Variants in CEP70 observed in about 807,000 individuals in gnomAD.
The protein encoded by CEP70 is centrosomal protein of 70 kDa.
CEP70 carries 70 observed loss-of-function variants against 90.9 expected under a neutral mutation model. The observed-to-expected ratio is 0.77, with a 90% CI of 0.64 to 0.94. CEP70 has a LOEUF of 0.94. Ranked by LOEUF, CEP70 falls within the 40% of genes least tolerant of loss-of-function variation. CEP70 has a pLI of 0.00. For synonymous variants in CEP70, 220 were observed against 228.3 expected (o/e 0.96, Z 0.33); for missense variants, 648 against 669.0 (o/e 0.97, Z 0.35).
intron 11 of CEP70, among the ~76,000 whole-genome samples, chr3:138,517,748 T>C (rs1343816938): frequency 2.0e-5 from 3 of 152,240 alleles, no homozygotes; most frequent in Non-Finnish European, 4.4e-5. Context: ...TACAACTCCC[T>C]GCATGAGCAA....
chr3:138,520,822 G>A (rs924486099), intron 11 of CEP70, among the ~76,000 whole-genome samples: 22 of 151,842 alleles, frequency 1.4e-4, no homozygotes, highest in East Asian at 1.9e-4. Context: ...CCTCTCCCTC[G>A]TCTCCGTCTC....
intron 10 of CEP70, among the ~76,000 whole-genome samples, chr3:138,526,411 T>A (rs757508625): frequency 1.3e-5 from 2 of 152,156 alleles, no homozygotes; most frequent in Non-Finnish European, 2.9e-5. Flanking sequence ...GAGGCCTGCT[T>A]CGGCCTCCTA....
chr3:138,583,199 C>T (rs1390966387), intron 2 of CEP70, among the ~76,000 whole-genome samples: 2 of 152,136 alleles, frequency 1.3e-5, no homozygotes, highest in African/African-American at 4.8e-5. Context: ...AAGACAAAAA[C>T]TGTAAGAAGA....
intron 6 of CEP70, among the ~76,000 whole-genome samples, chr3:138,540,946 CATGG>C (rs1401518219): frequency 2.0e-5 from 3 of 152,142 alleles, no homozygotes; most frequent in Non-Finnish European, 2.9e-5. Flanking sequence ...TTTGCGAGAA[CATGG>C]ATGGAGCTGA....
intron 6 of CEP70, among the ~76,000 whole-genome samples, chr3:138,550,805 C>T (rs1461684605): frequency 6.6e-6 from 1 of 152,142 alleles, no homozygotes; most frequent in African/African-American, 2.4e-5. Flanking sequence ...TACGAATTAA[C>T]CCAATCCAAC....
At chr3:138,544,156 G>A (rs1419937415) in intron 6 of CEP70, among the ~76,000 whole-genome samples, 1 of 151,702 alleles carries the variant, frequency 6.6e-6, no homozygotes, top group Non-Finnish European at 1.5e-5. Context: ...AAAATAACTT[G>A]TTATATCTAT....
chr3:138,585,126 A>C (rs1431788329), intron 2 of CEP70, among the ~76,000 whole-genome samples: 1 of 152,170 alleles, frequency 6.6e-6, no homozygotes, highest in East Asian at 1.9e-4. Flanking sequence ...AGGTGACATG[A>C]TCTTATATTT....
chr3:138,497,983 C>G, intron 17 of CEP70, 48 bp downstream of exon 17: 1 of 1,607,852 alleles, frequency 6.2e-7, no homozygotes, highest in Non-Finnish European at 8.5e-7. Flanking sequence ...CTTAAATGCA[C>G]TGACATTTTA....
chr3:138,529,800 A>T (rs985068568), intron 8 of CEP70, among the ~76,000 whole-genome samples: 9 of 152,210 alleles, frequency 5.9e-5, no homozygotes, highest in African/African-American at 2.2e-4. Flanking sequence ...TAGGTGGAAC[A>T]TCCATGTTCT....
At chr3:138,550,295 T>C (rs1343511021) in intron 6 of CEP70, among the ~76,000 whole-genome samples, 2 of 152,152 alleles carry the variant, frequency 1.3e-5, no homozygotes, top group South Asian at 2.1e-4. Flanking sequence ...AGTCCAACTT[T>C]TAAAAAATTC....
At chr3:138,505,690 G>A (rs960692612) in intron 12 of CEP70, among the ~76,000 whole-genome samples, 4 of 152,202 alleles carry the variant, frequency 2.6e-5, no homozygotes, top group Admixed American at 1.3e-4. Context: ...GGTATTTGCA[G>A]TCCAAATGCA....
In CEP70 at chr3:138,571,035, TA is replaced by T; in HGVS notation, c.282del (p.Arg95GlufsTer6). Reference sequence around the variant, plus strand: ...AAGAAATCTTTTCCATTTTCTCACCTAAGCTGTTGATTAGTTTCTATAAGCT... The same window carrying T: ...AAGAAATCTTTTCCATTTTCTCACCTAGCTGTTGATTAGTTTCTATAAGCT... ...IQELIETNQQ[L>X]RNELQLEQSR... On this transcript the variant is annotated frameshift_variant and splice_region_variant, in exon 5 of 18. Transcript: ENST00000264982. LOFTEE classifies it high-confidence loss of function. The T allele has an allele frequency of 6.4e-7, 1 of 1,573,700 alleles. No homozygotes were observed. Among genetic ancestry groups the T allele is most frequent in the Non-Finnish European group, 8.6e-7 (1 of 1,163,536 alleles).
rs142529099 is a variant in CEP70, at chr3:138,590,873, A to G, written c.-6+981T>C. Among the ~76,000 whole-genome samples the G allele has an allele frequency of 1.4e-3, 216 of 152,184 alleles. 1 individual carries two copies. The East Asian group carries it at 0.021, about 15-fold the overall frequency. On this transcript the variant is annotated intron_variant, in intron 2 of 17. Transcript: ENST00000264982. ...CTACAAAACTATAAAACCCAGAAGA[A>G]TGGTGACTAAATGGGAACACAGGAG...
chr3:138,500,785 A>C lies in CEP70; in HGVS notation c.1318T>G (p.Leu440Val), dbSNP rs761953493. Residue 440 changes from leucine to valine, a missense_variant, in exon 14 of 18, where the codon TTG becomes GTG. Leu to Val is a conservative substitution (Grantham distance 32, BLOSUM62 1). Coordinates refer to ENST00000264982, the MANE Select transcript of CEP70 (RefSeq NM_024491.4). ...AGCATAGTATCTACTATAAACAACA[A>C]ATCTTCAACTTTGATACCTTCATTT... ...DENEGIKVED[L>V]LFIVDTMLEE... 43 of 1,606,254 alleles carry C rather than the reference A, an allele frequency of 2.7e-5. No individual in the cohort carries two copies. Among genetic ancestry groups the C allele is most frequent in the Non-Finnish European group, 3.5e-5 (41 of 1,175,272 alleles).
chr3:138,549,319 GCTCA>G (rs1360091608), intron 6 of CEP70, among the ~76,000 whole-genome samples: 1 of 151,780 alleles, frequency 6.6e-6, no homozygotes, highest in Non-Finnish European at 1.5e-5. Flanking sequence ...TCTCAGCTCT[GCTCA>G]CTCACTGCCT....
intron 13 of CEP70, among the ~76,000 whole-genome samples, chr3:138,501,123 C>T (rs2034476493): frequency 6.6e-6 from 1 of 151,822 alleles, no homozygotes; most frequent in Non-Finnish European, 1.5e-5. Flanking sequence ...ACAGGCTTTA[C>T]AGAAAACATT....
chr3:138,581,333 A>G (rs1196077776), intron 2 of CEP70, among the ~76,000 whole-genome samples: 1 of 151,856 alleles, frequency 6.6e-6, no homozygotes, highest in Non-Finnish European at 1.5e-5. Context: ...TGCCTATAAG[A>G]TCTAGACAAT....
rs146568582 is a variant in CEP70 at position 138,512,501 on chromosome 3, A to C, written c.945-3957T>G. 2.0e-5 allele frequency among the ~76,000 whole-genome samples: 3 copies of C among 152,322 alleles called. No individual in the cohort carries two copies. In the East Asian group the frequency reaches 5.8e-4, roughly 29 times the overall value. On this transcript the variant is annotated intron_variant, in intron 11 of 17. Coordinates refer to ENST00000264982, the MANE Select transcript of CEP70 (RefSeq NM_024491.4). ...GTAGCTGCCTGGACTGTACTCAGAA[A>C]TACGCTAGAGCTGTTCTACAGTATC...
intron 8 of CEP70, chr3:138,531,683 T>G (rs2107771077): frequency 6.7e-6 from 1 of 148,688 alleles, no homozygotes; most frequent in East Asian, 2.0e-4. Flanking sequence ...CTTCCCTTCC[T>G]TCCTTCTTCT....
Sources: allele counts gnomAD v4.1 joint callset (sites outside exome capture counted in the v4.1 genomes callset), GRCh38; gene constraint gnomAD v4.1.1; transcripts MANE v1.5; gene names NCBI Gene and HGNC (gene_info 2026-07-23, HGNC 2026-07-21).